Variants in KCNC4 observed in about 807,000 individuals in gnomAD.
KCNC4 encodes the protein voltage-gated potassium channel KCNC4.
Under a neutral mutation model 42.8 loss-of-function variants are expected in KCNC4, and 23 were observed. The ratio of observed to expected loss-of-function variants is 0.54; its 90% CI spans 0.39 to 0.76. The LOEUF is 0.76. Ranked by LOEUF, KCNC4 falls within the 30% of genes least tolerant of loss-of-function variation. The pLI, the probability that KCNC4 is intolerant of heterozygous loss-of-function variation, is 0.00. For missense variants in KCNC4, 751 were observed against 898.2 expected (o/e 0.84, Z 2.10); for synonymous variants, 422 against 393.5 (o/e 1.07, Z -0.86).
chr1:110,256,311 C>G (rs1229187415), intron 1 of KCNC4, among the ~76,000 whole-genome samples: 2 of 152,128 alleles, frequency 1.3e-5, no homozygotes, highest in Non-Finnish European at 2.9e-5. Context: ...AGAAGAGCAC[C>G]CAGATCTCTC....
chr1:110,226,216 C>T (rs1253330820), intron 3 of KCNC4, 38 bp downstream of exon 3: 2 of 1,591,544 alleles, frequency 1.3e-6, no homozygotes, highest in Non-Finnish European at 1.7e-6. Flanking sequence ...GGAGCCCCCA[C>T]AGAGCTGAGT....
exon 4 of KCNC4, chr1:110,242,830 C>G (rs1200287683): frequency 6.6e-6 from 1 of 152,184 alleles, no homozygotes; most frequent in African/African-American, 2.4e-5. Context: ...TGATGGAGAT[C>G]TCACAGATAG....
intron 1 of KCNC4, among the ~76,000 whole-genome samples, chr1:110,216,140 G>C (rs1657781213): frequency 6.6e-6 from 1 of 152,256 alleles, no homozygotes; most frequent in Non-Finnish European, 1.5e-5. Flanking sequence ...AAGGAGCAGA[G>C]CTGCATTCCT....
downstream of KCNC4, among the ~76,000 whole-genome samples, chr1:110,251,006 G>A (rs935160962): frequency 1.3e-5 from 2 of 152,172 alleles, no homozygotes; most frequent in Non-Finnish European, 2.9e-5. Context: ...CAGGCAGAGA[G>A]GGGAGACAGG....
chr1:110,275,016 A>C (rs1427334216), intron 1 of KCNC4, among the ~76,000 whole-genome samples: 2 of 152,220 alleles, frequency 1.3e-5, no homozygotes, highest in African/African-American at 4.8e-5. Flanking sequence ...GACAACTAGA[A>C]CTTAACTGAA....
At chr1:110,231,873 T>A (rs1328509166) in intron 3 of KCNC4, among the ~76,000 whole-genome samples, 1 of 152,106 alleles carries the variant, frequency 6.6e-6, no homozygotes, top group Admixed American at 6.5e-5. Flanking sequence ...GGACACCCCT[T>A]CCCTAGAAAG....
chr1:110,251,223 G>A (rs1052234671), downstream of KCNC4, among the ~76,000 whole-genome samples: 3 of 152,176 alleles, frequency 2.0e-5, no homozygotes, highest in Non-Finnish European at 2.9e-5. Context: ...GGCCACGAAC[G>A]TTGTTATGGT....
intron 1 of KCNC4, among the ~76,000 whole-genome samples, chr1:110,258,630 C>T (rs1659376115): frequency 6.6e-6 from 1 of 152,210 alleles, no homozygotes; most frequent in Non-Finnish European, 1.5e-5. Context: ...CATCCATCCT[C>T]CTTCAAATCA....
At chr1:110,240,693 T>A (rs527274340) in exon 4 of KCNC4, 7 of 152,178 alleles carry the variant, frequency 4.6e-5, no homozygotes, top group Admixed American at 4.6e-4. Flanking sequence ...ACAGTGACCC[T>A]CCCTGGGGTG....
At position 110,233,867 on chromosome 1, in the gene KCNC4, G is replaced by GCCCT. The variant is rs1440504648; in HGVS notation, c.*904_*907dup. On this transcript the variant is annotated 3_prime_UTR_variant, in exon 4 of 4. Transcript: ENST00000438661. ...AGCCTTGGCCTCTGCCCCTCCCTTG[G>GCCCT]CCCTCCCTCCCTGCTCCTCCCTGGT... The GCCCT allele has an allele frequency of 6.6e-6, 1 of 152,662 alleles. No homozygotes were observed. The highest frequency in any genetic ancestry group is 1.5e-5 in the Non-Finnish European group (1 of 68,308). 9.5% of individuals were successfully genotyped at this position (152,662 alleles called of 1,614,324 possible).
chr1:110,262,324 G>T (rs1283925201), intron 1 of KCNC4, among the ~76,000 whole-genome samples: 2 of 152,204 alleles, frequency 1.3e-5, no homozygotes, highest in Non-Finnish European at 2.9e-5. Flanking sequence ...ATCCTTGAGC[G>T]CTGGGATTAC....
At position 110,247,184 on chromosome 1, in the gene KCNC4, T is replaced by C. The variant is rs116454768; in HGVS notation, c.*14875T>C. Reference sequence around the variant, plus strand: ...GCAGGGCATTTAGGTTGATTCCATGTCTTTGCTATTGTGAATAATACTGCA... The same window carrying C: ...GCAGGGCATTTAGGTTGATTCCATGCCTTTGCTATTGTGAATAATACTGCA... On this transcript the variant is annotated 3_prime_UTR_variant, in exon 4 of 4. Transcript: ENST00000369787. The C allele has an allele frequency of 1.9e-3, 295 of 152,166 alleles. 2 individuals are homozygous for C. Among genetic ancestry groups the C allele is most frequent in the African/African-American group, 6.8e-3 (284 of 41,498 alleles). 9.4% of individuals were successfully genotyped at this position (152,166 alleles called of 1,614,324 possible).
At chr1:110,261,722 G>T (rs1659430527) in intron 1 of KCNC4, among the ~76,000 whole-genome samples, 1 of 152,166 alleles carries the variant, frequency 6.6e-6, no homozygotes, top group African/African-American at 2.4e-5. Flanking sequence ...TGTCATTGAT[G>T]ATGTTAATTT....
intron 1 of KCNC4, among the ~76,000 whole-genome samples, chr1:110,262,741 T>C (rs12031646): frequency 0.072 from 10,996 of 152,246 alleles, 556 homozygotes; most frequent in African/African-American, 0.14. Flanking sequence ...AGTGGAGGTC[T>C]AGATTTGTGA....
intron 1 of KCNC4, among the ~76,000 whole-genome samples, chr1:110,267,819 A>G (rs1659567966): frequency 6.6e-6 from 1 of 152,344 alleles, no homozygotes; most frequent in Admixed American, 6.5e-5. Context: ...TCTGGAGGCC[A>G]ATATAACTAT....
At position 110,223,665 on chromosome 1, in the gene KCNC4, C is replaced by T. The variant is rs201939187; in HGVS notation, c.1380C>T (p.Gly460=). 6.8e-6 allele frequency: 11 copies of T among 1,612,702 alleles called. No individual in the cohort carries two copies. The highest frequency in any genetic ancestry group is 2.2e-5 in the South Asian group (2 of 91,084). ...MLVGALCALA[G]VLTIAMPVPV... is the part of the protein sequence containing the mutation. ...TAGGGGCACTGTGTGCACTGGCTGGCGTGCTCACCATCGCCATGCCGGTGC... is the reference window on the plus strand; with the variant it reads ...TAGGGGCACTGTGTGCACTGGCTGGTGTGCTCACCATCGCCATGCCGGTGC... The change falls in exon 2 of 4, where the codon GGC becomes GGT. Residue 460 remains glycine, a synonymous_variant. Transcript: ENST00000438661. This position sits in a 1 kb window ranked among gnomAD's most constrained non-coding sequence, Gnocchi z 7.5.
At chr1:110,236,366 G>A (rs1188051739), downstream of KCNC4, 1 of 152,214 alleles carries the variant, frequency 6.6e-6, no homozygotes, top group Non-Finnish European at 1.5e-5. Flanking sequence ...GGCTCTGTGG[G>A]TCCAATGCTT....
downstream of KCNC4, among the ~76,000 whole-genome samples, chr1:110,253,105 G>A (rs1659272804): frequency 6.6e-6 from 1 of 152,146 alleles, no homozygotes; most frequent in Non-Finnish European, 1.5e-5. Context: ...CTCTGAAGCT[G>A]GTATATCTTC....
exon 4 of KCNC4, chr1:110,241,744 C>T (rs1039037431): frequency 3.3e-5 from 5 of 152,224 alleles, no homozygotes; most frequent in Non-Finnish European, 7.3e-5. Flanking sequence ...TCAACTGTCA[C>T]CTCTGAGAAT....
Sources: allele counts gnomAD v4.1 joint callset (sites outside exome capture counted in the v4.1 genomes callset), GRCh38; gene constraint gnomAD v4.1.1; non-coding constraint Gnocchi (gnomAD v3.1); transcripts MANE v1.5; gene names NCBI Gene and HGNC (gene_info 2026-07-23, HGNC 2026-07-21).